CDH4: variants seen among roughly 807,000 people sequenced by gnomAD.
CDH4 encodes the protein cadherin-4.
CDH4 carries 33 observed loss-of-function variants against 86.0 expected under a neutral mutation model. The ratio of observed to expected loss-of-function variants is 0.38; its 90% CI spans 0.29 to 0.51. The LOEUF is 0.51. Ranked by LOEUF, CDH4 falls within the 20% of genes least tolerant of loss-of-function variation. The probability of loss-of-function intolerance (pLI) is 0.86; values close to 1 mark genes in which losing one functional copy is unlikely to be tolerated. For synonymous variants in CDH4, 555 were observed against 549.4 expected (o/e 1.01, Z -0.14); for missense variants, 1,114 against 1,307.4 (o/e 0.85, Z 2.28).
chr20:61,392,016 G>T lies in CDH4; in HGVS notation c.169+137079G>T, dbSNP rs897968450. 2.7e-4 allele frequency among the ~76,000 whole-genome samples: 41 copies of T among 152,068 alleles called. No homozygotes were observed. Among genetic ancestry groups the T allele is most frequent in the African/African-American group, 9.9e-4 (41 of 41,414 alleles). On this transcript the variant is annotated intron_variant, in intron 2 of 15. Transcript: ENST00000614565. This position sits in a 1 kb window ranked among gnomAD's most constrained non-coding sequence, Gnocchi z 5.7. ...TCAGCATGGAGATATTATGGGATAG[G>T]GGAGAGCTGGCTACTTCTCAACCCT...
intron 2 of CDH4, among the ~76,000 whole-genome samples, chr20:61,656,550 G>C (rs1398474579): frequency 6.6e-6 from 1 of 152,178 alleles, no homozygotes; most frequent in African/African-American, 2.4e-5. Context: ...GTGGGGCGCA[G>C]CCTCCCCTGG....
intron 6 of CDH4, among the ~76,000 whole-genome samples, chr20:61,867,430 A>G (rs1983597500): frequency 6.6e-6 from 1 of 152,082 alleles, no homozygotes; most frequent in Admixed American, 6.6e-5. Context: ...CACTCCTGTG[A>G]TCTCAGCTAC....
rs759071533 is a variant in CDH4 at position 61,929,632 on chromosome 20, C to T, written c.2029C>T (p.Arg677Cys). 2.9e-5 allele frequency: 47 copies of T among 1,613,774 alleles called. No homozygotes were observed. In the South Asian group the frequency reaches 3.3e-4, roughly 11 times the overall value. ...AGGTGACTATGCCCAACTCAGCTTG[C>T]GCATCCTGTACCTGGAGGCCGGGAT... Reference protein sequence around the residue: ...LNGDYAQLSLRILYLEAGMYD... With the variant: ...LNGDYAQLSLCILYLEAGMYD... The change falls in exon 13 of 16, where the codon CGC becomes TGC. Residue 677 changes from arginine (R) to cysteine (C), a missense_variant. Arg to Cys is a radical substitution (Grantham distance 180). This residue lies in a region of CDH4 where 705 missense variants were observed against 914.1 expected (regional missense o/e 0.77). Transcript: ENST00000614565.
chr20:61,527,406 C>T (rs1317470682), intron 2 of CDH4, among the ~76,000 whole-genome samples: 3 of 152,138 alleles, frequency 2.0e-5, no homozygotes, highest in South Asian at 4.2e-4. Context: ...TGCGCCACCA[C>T]GCCCAGCTGA....
chr20:61,534,337 G>A (rs1362410306), intron 2 of CDH4, among the ~76,000 whole-genome samples: 2 of 152,302 alleles, frequency 1.3e-5, no homozygotes, highest in South Asian at 2.1e-4. Flanking sequence ...ACGACCACAC[G>A]GGGCAGGAGG....
chr20:61,349,797 G>A (rs1452575711), intron 2 of CDH4, among the ~76,000 whole-genome samples: 1 of 152,190 alleles, frequency 6.6e-6, no homozygotes, highest in African/African-American at 2.4e-5. Context: ...CCATGTACGT[G>A]GAAAGGAGCA....
At chr20:61,842,604 T>C (rs1982228385) in intron 4 of CDH4, among the ~76,000 whole-genome samples, 1 of 152,352 alleles carries the variant, frequency 6.6e-6, no homozygotes, top group South Asian at 2.1e-4. Context: ...GCATAACATA[T>C]AGAGAAGAAA....
At chr20:61,313,626 G>A (rs574805325) in intron 2 of CDH4, among the ~76,000 whole-genome samples, 2 of 152,340 alleles carry the variant, frequency 1.3e-5, no homozygotes, top group African/African-American at 4.8e-5. Context: ...AACATCACAG[G>A]GGTGGTCACA....
chr20:61,655,122 G>T (rs558375795), intron 2 of CDH4, among the ~76,000 whole-genome samples: 132 of 152,354 alleles, frequency 8.7e-4, no homozygotes, highest in African/African-American at 3.1e-3. Context: ...GCATGTGTAT[G>T]TGTGGTAGGT....
At chr20:61,911,897 G>A (rs6061384) in intron 9 of CDH4, among the ~76,000 whole-genome samples, 125,845 of 148,806 alleles carry the variant, frequency 0.85, 54,240 homozygotes, top group Non-Finnish European at 0.95. Flanking sequence ...TCAGCAGCCC[G>A]GAGCAGAGAC....
intron 3 of CDH4, among the ~76,000 whole-genome samples, chr20:61,752,373 A>G (rs570097285): frequency 2.6e-5 from 4 of 151,894 alleles, no homozygotes; most frequent in African/African-American, 7.2e-5. Context: ...ATCAAAACAT[A>G]TATCTTAAAA....
At chr20:61,667,209 C>A (rs1419933475) in intron 2 of CDH4, among the ~76,000 whole-genome samples, 1 of 152,236 alleles carries the variant, frequency 6.6e-6, no homozygotes, top group African/African-American at 2.4e-5. Flanking sequence ...GCCACCCCAC[C>A]CTCAGGAAGG....
At chr20:61,333,551 G>A (rs2084597958) in intron 2 of CDH4, among the ~76,000 whole-genome samples, 1 of 152,164 alleles carries the variant, frequency 6.6e-6, no homozygotes. Flanking sequence ...CCTAAGAAGT[G>A]CAGTTGTACA....
At chr20:61,530,620 C>G (rs1292700196) in intron 2 of CDH4, among the ~76,000 whole-genome samples, 1 of 152,060 alleles carries the variant, frequency 6.6e-6, no homozygotes, top group Admixed American at 6.5e-5. Flanking sequence ...GTCGCAGAGG[C>G]CCTCGGAAAA....
intron 9 of CDH4, among the ~76,000 whole-genome samples, chr20:61,914,978 G>C (rs1484095115): frequency 2.0e-5 from 3 of 152,150 alleles, no homozygotes; most frequent in Non-Finnish European, 2.9e-5. Context: ...GAAACTCCCA[G>C]GGAGCCTCAG....
At chr20:61,616,075 G>A (rs1256341651) in intron 2 of CDH4, among the ~76,000 whole-genome samples, 2 of 152,232 alleles carry the variant, frequency 1.3e-5, no homozygotes, top group Non-Finnish European at 2.9e-5. Context: ...CTCAGAGTGA[G>A]CCCTCCGCAC....
At chr20:61,526,172 C>G (rs1238726653) in intron 2 of CDH4, among the ~76,000 whole-genome samples, 1 of 146,348 alleles carries the variant, frequency 6.8e-6, no homozygotes, top group Non-Finnish European at 1.5e-5. Context: ...TGGTGCCCCT[C>G]CCCCTCCCCG....
Position 61,671,970 on chromosome 20 carries a change from C to T in CDH4, c.170-71593C>T, listed in dbSNP as rs538420743. Among the ~76,000 whole-genome samples the T allele has an allele frequency of 8.1e-5, 12 of 147,748 alleles. No homozygotes were observed. The South Asian group carries it at 2.0e-3, about 24-fold the overall frequency. On this transcript the variant is annotated intron_variant, in intron 2 of 15. Coordinates refer to ENST00000614565, the MANE Select transcript of CDH4 (RefSeq NM_001794.5). ...GTGGATGGATGTATGGTTGAATAAG[C>T]GGGTAGATAGATGGATGAATAGATG...
chr20:61,757,210 T>G (rs2145963700), intron 3 of CDH4, among the ~76,000 whole-genome samples: 1 of 151,656 alleles, frequency 6.6e-6, no homozygotes, highest in Non-Finnish European at 1.5e-5. Context: ...TCTCCACGCG[T>G]GTTTCTCCAC....
Sources: gnomAD v4.1 joint callset for allele counts (sites outside exome capture counted in the v4.1 genomes callset) on GRCh38, gnomAD v4.1.1 for gene constraint, gnomAD v4.1.1 regional missense constraint, Gnocchi (gnomAD v3.1) non-coding constraint, MANE v1.5 for transcripts, NCBI Gene and HGNC (gene_info 2026-07-23, HGNC 2026-07-21) for gene names.